The following NPR3 variants were observed in gnomAD, a reference collection of about 807,000 sequenced individuals.
NPR3 encodes the protein natriuretic peptide receptor 3.
In NPR3, 34 loss-of-function variants were observed where a neutral mutation model predicts 54.5. That is an observed-to-expected ratio of 0.62 (90% confidence interval 0.47 to 0.83). The LOEUF is 0.83. Ranked by LOEUF, NPR3 falls within the 40% of genes least tolerant of loss-of-function variation. The pLI, the probability that NPR3 is intolerant of heterozygous loss-of-function variation, is 0.00. For synonymous variants in NPR3, 289 were observed against 297.1 expected (o/e 0.97, Z 0.28); for missense variants, 674 against 720.8 (o/e 0.94, Z 0.74).
intron 3 of NPR3, 37 bp from the exon 4 acceptor site, chr5:32,774,671 G>C: frequency 3.2e-6 from 5 of 1,553,092 alleles, no homozygotes; most frequent in African/African-American, 1.4e-5. Flanking sequence ...TGAGTCACTT[G>C]GTGTTTTGGT....
intron 3 of NPR3, among the ~76,000 whole-genome samples, chr5:32,764,689 G>A (rs1289134741): frequency 6.7e-6 from 1 of 149,432 alleles, no homozygotes; most frequent in East Asian, 2.0e-4. Context: ...TTGGGAGGCT[G>A]AGGCAGGAGA....
At chr5:32,762,128 T>G (rs568408120) in intron 3 of NPR3, among the ~76,000 whole-genome samples, 2 of 152,278 alleles carry the variant, frequency 1.3e-5, no homozygotes, top group East Asian at 1.9e-4. Context: ...GAACTCATCC[T>G]TTTTTTACAG....
chr5:32,766,968 G>A (rs1741503883), intron 3 of NPR3, among the ~76,000 whole-genome samples: 1 of 152,202 alleles, frequency 6.6e-6, no homozygotes, highest in Non-Finnish European at 1.5e-5. Flanking sequence ...GTACTGTTTT[G>A]TCCTTTCTCT....
At chr5:32,779,257 T>G (rs1410188742) in intron 4 of NPR3, among the ~76,000 whole-genome samples, 2 of 152,026 alleles carry the variant, frequency 1.3e-5, no homozygotes, top group African/African-American at 4.8e-5. Flanking sequence ...ACCAAATCAA[T>G]AGAAATGCCA....
intron 6 of NPR3, 100 bp downstream of exon 6, chr5:32,783,128 A>G: frequency 8.8e-7 from 1 of 1,135,950 alleles, no homozygotes; most frequent in Non-Finnish European, 1.2e-6. Context: ...ACATTTTGGA[A>G]TTTTACATTT....
chr5:32,716,569 C>T (rs929960774), intron 1 of NPR3: 4 of 368,588 alleles, frequency 1.1e-5, no homozygotes, highest in African/African-American at 4.3e-5. Flanking sequence ...TATGGATTGC[C>T]CTATTTGAAT....
At chr5:32,746,132 A>C (rs1649152489) in intron 3 of NPR3, among the ~76,000 whole-genome samples, 1 of 152,246 alleles carries the variant, frequency 6.6e-6, no homozygotes, top group South Asian at 2.1e-4. Context: ...CATATGTGTG[A>C]AAATATCCAT....
At chr5:32,719,620 C>G (rs1738740132) in intron 1 of NPR3, among the ~76,000 whole-genome samples, 1 of 152,128 alleles carries the variant, frequency 6.6e-6, no homozygotes, top group Non-Finnish European at 1.5e-5. Context: ...TATCCAGAAA[C>G]TCACATCTTT....
intron 1 of NPR3, among the ~76,000 whole-genome samples, chr5:32,702,980 T>C (rs920208444): frequency 2.6e-5 from 4 of 152,216 alleles, no homozygotes; most frequent in Admixed American, 1.3e-4. Flanking sequence ...GGTATCTCAT[T>C]GTGGTTTTGA....
chr5:32,767,748 G>GA lies in NPR3; in HGVS notation c.1060-6950dup, dbSNP rs375673592. 6.0e-3 allele frequency among the ~76,000 whole-genome samples: 868 copies of GA among 144,572 alleles called. 7 individuals are homozygous for GA. Among genetic ancestry groups the GA allele is most frequent in the African/African-American group, 0.02 (802 of 39,434 alleles). 94.8% of individuals were successfully genotyped at this position (144,572 alleles called of 152,430 possible). ...TCATTTTAGGGTATAAAGCAGAAAT[G>GA]AAAAAAAAAAGCCATCCATATAAAA... On this transcript the variant is annotated intron_variant, in intron 3 of 7. Transcript: ENST00000265074.
chr5:32,791,434 C>T lies in NPR3; in HGVS notation c.*5089C>T, dbSNP rs1053080851. On this transcript the variant is annotated 3_prime_UTR_variant, in exon 8 of 8. Transcript: ENST00000265074. ...GAAAAGTAAAAGTAAAAGCTGCACACGTTACATACTGTTTATTGTTCTAAT... is the reference window on the plus strand; with the variant it reads ...GAAAAGTAAAAGTAAAAGCTGCACATGTTACATACTGTTTATTGTTCTAAT... 4.8e-5 allele frequency: 8 copies of T among 167,058 alleles called. No homozygotes were observed. Among genetic ancestry groups the T allele is most frequent in the East Asian group, 3.8e-4 (2 of 5,206 alleles). The allele number at this position is 167,058 out of a possible 1,614,324, so 10.3% of individuals were successfully genotyped here.
chr5:32,703,561 C>T (rs1477276777), intron 1 of NPR3, among the ~76,000 whole-genome samples: 1 of 152,172 alleles, frequency 6.6e-6, no homozygotes, highest in Non-Finnish European at 1.5e-5. Context: ...GCTCTTTAGA[C>T]TGCAGGTGAT....
intron 1 of NPR3, among the ~76,000 whole-genome samples, chr5:32,695,352 C>A (rs995992775): frequency 6.6e-6 from 1 of 152,196 alleles, no homozygotes; most frequent in African/African-American, 2.4e-5. Context: ...GCAAGCTCCG[C>A]CTGCTGGGTT....
At chr5:32,699,128 TA>T (rs1221500006) in intron 1 of NPR3, among the ~76,000 whole-genome samples, 1 of 152,184 alleles carries the variant, frequency 6.6e-6, no homozygotes, top group Non-Finnish European at 1.5e-5. Flanking sequence ...TTTTATTTTT[TA>T]TGTATGTGTT....
chr5:32,758,211 G>A (rs1579666481), intron 3 of NPR3, among the ~76,000 whole-genome samples: 1 of 152,064 alleles, frequency 6.6e-6, no homozygotes, highest in African/African-American at 2.4e-5. Flanking sequence ...GGTAGAATTC[G>A]GCTGTGAATC....
At chr5:32,736,298 G>A (rs1739748051) in intron 2 of NPR3, among the ~76,000 whole-genome samples, 1 of 151,248 alleles carries the variant, frequency 6.6e-6, no homozygotes, top group African/African-American at 2.4e-5. Context: ...TTTAGATTGT[G>A]GTAGACAGAT....
At chr5:32,692,966 T>TA (rs1239193353) in intron 1 of NPR3, among the ~76,000 whole-genome samples, 2 of 151,876 alleles carry the variant, frequency 1.3e-5, no homozygotes, top group African/African-American at 4.8e-5. Context: ...TACAAAAAAA[T>TA]AAAAAAATTA....
chr5:32,780,461 T>G (rs1377673025), intron 4 of NPR3, among the ~76,000 whole-genome samples: 1 of 150,828 alleles, frequency 6.6e-6, no homozygotes, highest in African/African-American at 2.5e-5. Flanking sequence ...TAATCTTTTT[T>G]CAAACATATC....
At chr5:32,731,104 A>G (rs1186135323) in intron 2 of NPR3, among the ~76,000 whole-genome samples, 1 of 152,162 alleles carries the variant, frequency 6.6e-6, no homozygotes, top group Non-Finnish European at 1.5e-5. Flanking sequence ...TGTCCCTCTC[A>G]TTGCATAATA....
Sources: allele counts gnomAD v4.1 joint callset (sites outside exome capture counted in the v4.1 genomes callset), GRCh38; gene constraint gnomAD v4.1.1; transcripts MANE v1.5; gene names NCBI Gene and HGNC (gene_info 2026-07-23, HGNC 2026-07-21).